The following IL1RAPL2 variants were observed in gnomAD, a reference collection of about 807,000 sequenced individuals.
The protein encoded by IL1RAPL2 is interleukin 1 receptor accessory protein like 2, also known as X-linked interleukin-1 receptor accessory protein-like 2.
In IL1RAPL2, 3 loss-of-function variants were observed where a neutral mutation model predicts 44.1. That is an observed-to-expected ratio of 0.07 (90% CI 0.03 to 0.18). The LOEUF is 0.18. Among genes scored for constraint, IL1RAPL2 ranks in the 10% least tolerant of loss-of-function variants. The pLI, the probability that IL1RAPL2 is intolerant of heterozygous loss-of-function variation, is 1.00. For missense variants in IL1RAPL2, 391 were observed against 496.4 expected (o/e 0.79, Z 2.02); for synonymous variants, 181 against 178.8 (o/e 1.01, Z -0.10).
intron 2 of IL1RAPL2, among the ~76,000 whole-genome samples, chrX:105,065,555 A>T (rs982709888): frequency 2.7e-5 from 3 of 111,813 alleles, no homozygotes; most frequent in African/African-American, 9.7e-5. Flanking sequence ...TTGGGAATAG[A>T]GTCTCAATTG....
At position 105,749,058 on chromosome X, in the gene IL1RAPL2, A is replaced by G. The variant is rs1299965696; in HGVS notation, c.1147A>G (p.Met383Val). 2 of 1,209,413 alleles carry G rather than the reference A, an allele frequency of 1.7e-6. No individual in the cohort carries two copies. The highest frequency in any genetic ancestry group is 2.2e-5 in the Admixed American group (1 of 45,957). The change falls in exon 9 of 11, where the codon ATG becomes GTG. Residue 383 changes from methionine (M) to valine (V), a missense_variant. Met to Val is a conservative substitution (Grantham distance 21, BLOSUM62 1). Around this residue, in one of 2 missense-constraint regions of IL1RAPL2, gnomAD observed 232 missense variants for 244.8 expected, o/e 0.95. Transcript: ENST00000372582. The stretch of plus-strand genomic sequence containing the variant: ...TTACAAATGCTACAACATTGAATTG[A>G]TGCTCTTCTACAGGCAGCACTTTGG... ...VIYKCYNIELMLFYRQHFGAD... is the reference protein window; with the variant it reads ...VIYKCYNIELVLFYRQHFGAD...
At position 105,247,829 on chromosome X, in the gene IL1RAPL2, T is replaced by C. The variant is rs142236998; in HGVS notation, c.543+13825T>C. 5.5e-3 allele frequency among the ~76,000 whole-genome samples: 611 copies of C among 110,653 alleles called. 3 individuals carry two copies. The highest frequency in any genetic ancestry group is 0.023 in the Middle Eastern group (5 of 214). The stretch of plus-strand genomic sequence containing the variant: ...CTCTCTCTCTCCCCACCTTCTCTCT[T>C]TGTGTGTATATATGTGTATGTGTGC... On this transcript the variant is annotated intron_variant, in intron 4 of 10. Transcript: ENST00000372582.
chrX:104,908,815 G>C (rs1924127267), intron 2 of IL1RAPL2, among the ~76,000 whole-genome samples: 1 of 108,719 alleles, frequency 9.2e-6, no homozygotes. Context: ...TATCTTTGTG[G>C]CGTTCACTGT....
intron 5 of IL1RAPL2, among the ~76,000 whole-genome samples, chrX:105,374,720 G>A (rs757131079): frequency 1.1e-4 from 12 of 109,948 alleles, no homozygotes; most frequent in Admixed American, 3.9e-4. Flanking sequence ...AGGCCAAGGC[G>A]GGTGGATCAC....
chrX:105,109,898 T>C (rs1602958589), intron 2 of IL1RAPL2, among the ~76,000 whole-genome samples: 1 of 112,233 alleles, frequency 8.9e-6, no homozygotes, highest in African/African-American at 3.2e-5. Context: ...ATCTCGTGAA[T>C]TGCACACACT....
chrX:105,015,424 T>A (rs1602890991), intron 2 of IL1RAPL2, among the ~76,000 whole-genome samples: 2 of 111,947 alleles, frequency 1.8e-5, no homozygotes, highest in Non-Finnish European at 1.9e-5. Flanking sequence ...CTAGGTTTTC[T>A]TCTAGGGTTT....
At chrX:105,179,544 G>T (rs2033507919) in intron 2 of IL1RAPL2, among the ~76,000 whole-genome samples, 1 of 111,828 alleles carries the variant, frequency 8.9e-6, no homozygotes, top group African/African-American at 3.3e-5. Flanking sequence ...TCAGTATTTT[G>T]ATAAGGATTA....
At chrX:105,545,467 T>G (rs767653322) in intron 6 of IL1RAPL2, among the ~76,000 whole-genome samples, 1 of 112,390 alleles carries the variant, frequency 8.9e-6, no homozygotes, top group East Asian at 2.8e-4. Context: ...GTAGCCAGAT[T>G]CTTATCCAAA....
chrX:104,959,228 G>C (rs956679245), intron 2 of IL1RAPL2, among the ~76,000 whole-genome samples: 3 of 111,521 alleles, frequency 2.7e-5, no homozygotes, highest in African/African-American at 9.8e-5. Flanking sequence ...CATCAGACTA[G>C]TGATGCCCAT....
intron 2 of IL1RAPL2, among the ~76,000 whole-genome samples, chrX:104,890,783 G>A (rs905466954): frequency 1.4e-4 from 16 of 111,710 alleles, no homozygotes; most frequent in African/African-American, 4.9e-4. Context: ...CTTTTGCCGT[G>A]CAGAAGCTCT....
At chrX:105,210,653 A>G (rs1294375081) in intron 3 of IL1RAPL2, among the ~76,000 whole-genome samples, 1 of 111,770 alleles carries the variant, frequency 8.9e-6, no homozygotes, top group Non-Finnish European at 1.9e-5. Context: ...CCTGCCCTAG[A>G]AGGATATAGA....
chrX:105,447,768 A>G (rs1216591303), intron 5 of IL1RAPL2, among the ~76,000 whole-genome samples: 1 of 87,905 alleles, frequency 1.1e-5, no homozygotes, highest in Non-Finnish European at 2.0e-5. Flanking sequence ...ATGTAAATAT[A>G]TATAAATATA....
At chrX:104,973,933 ATC>A (rs1346435847) in intron 2 of IL1RAPL2, among the ~76,000 whole-genome samples, 1 of 112,134 alleles carries the variant, frequency 8.9e-6, no homozygotes, top group African/African-American at 3.2e-5. Flanking sequence ...CATTTTTTAT[ATC>A]TCTCTTTTTT....
intron 6 of IL1RAPL2, among the ~76,000 whole-genome samples, chrX:105,691,655 A>G (rs1019000047): frequency 8.9e-6 from 1 of 112,178 alleles, no homozygotes; most frequent in Non-Finnish European, 1.9e-5. Flanking sequence ...ATTTTCAGAA[A>G]AAGGTAAAAT....
At chrX:104,846,871 T>C (rs1298612514) in intron 2 of IL1RAPL2, among the ~76,000 whole-genome samples, 1 of 111,845 alleles carries the variant, frequency 8.9e-6, no homozygotes. Context: ...GTTTCCTGAC[T>C]TTTTAATAGT....
At position 104,770,119 on chromosome X, in the gene IL1RAPL2, C is replaced by T. The variant is rs754841646; in HGVS notation, c.82+111124C>T. The stretch of plus-strand genomic sequence containing the variant: ...AAGGTGAATTAGGCTTTGATCACCT[C>T]CTCCTCCAGCCTAGGTTTAATTAGT... On this transcript the variant is annotated intron_variant, in intron 2 of 10. Coordinates refer to ENST00000372582, the MANE Select transcript of IL1RAPL2 (RefSeq NM_017416.2). 1.2e-4 allele frequency among the ~76,000 whole-genome samples: 13 copies of T among 110,634 alleles called. No individual in the cohort carries two copies. In the South Asian group the frequency reaches 5.1e-3, roughly 43 times the overall value.
chrX:104,624,100 G>A (rs758344273), intron 1 of IL1RAPL2, among the ~76,000 whole-genome samples: 5 of 111,279 alleles, frequency 4.5e-5, no homozygotes, highest in African/African-American at 6.5e-5. Context: ...GTAAATAGTC[G>A]GTGATATTGA....
intron 2 of IL1RAPL2, among the ~76,000 whole-genome samples, chrX:104,919,879 A>C (rs1924582755): frequency 9.1e-6 from 1 of 110,266 alleles, no homozygotes; most frequent in African/African-American, 3.3e-5. Flanking sequence ...TGTAGGGACT[A>C]ATTCTGTTTG....
chrX:105,764,338 A>G (rs756290365), intron 10 of IL1RAPL2, among the ~76,000 whole-genome samples: 4 of 111,907 alleles, frequency 3.6e-5, no homozygotes, highest in African/African-American at 1.3e-4. Context: ...AAAGGGGAGA[A>G]CCATACTTAT....
Sources: gnomAD v4.1 joint callset for allele counts (sites outside exome capture counted in the v4.1 genomes callset) on GRCh38, gnomAD v4.1.1 for gene constraint, gnomAD v4.1.1 regional missense constraint, MANE v1.5 for transcripts, NCBI Gene and HGNC (gene_info 2026-07-23, HGNC 2026-07-21) for gene names.